Variants in RNF216 observed in about 807,000 individuals in gnomAD.
The protein encoded by RNF216 is E3 ubiquitin-protein ligase RNF216.
A neutral mutation model predicts 110.8 loss-of-function variants in RNF216; 72 were observed. The observed-to-expected ratio is 0.65, with a 90% CI of 0.54 to 0.79. The LOEUF is 0.79. Ranked by LOEUF, RNF216 falls within the 30% of genes least tolerant of loss-of-function variation. The probability of loss-of-function intolerance (pLI) is 0.00; values close to 1 mark genes in which losing one functional copy is unlikely to be tolerated. For synonymous variants in RNF216, 495 were observed against 407.5 expected, an observed-to-expected ratio of 1.21 and a Z score of -2.59; for missense variants, 1,342 against 1,141.2, an observed-to-expected ratio of 1.18 and a Z score of -2.54.
chr7:5,698,552 T>C (rs1188050765), intron 13 of RNF216, among the ~76,000 whole-genome samples: 1 of 152,082 alleles, frequency 6.6e-6, no homozygotes, highest in East Asian at 1.9e-4. Context: ...ACCCATGCCT[T>C]ATTAAATTTT....
intron 13 of RNF216, among the ~76,000 whole-genome samples, chr7:5,673,759 T>A (rs1226161561): frequency 6.6e-6 from 1 of 151,976 alleles, no homozygotes; most frequent in African/African-American, 2.4e-5. Flanking sequence ...CACCTGTAAT[T>A]CCAGCATTTT....
At chr7:5,737,153 G>A (rs1166548378) in intron 5 of RNF216, among the ~76,000 whole-genome samples, 1 of 152,206 alleles carries the variant, frequency 6.6e-6, no homozygotes, top group Non-Finnish European at 1.5e-5. Context: ...GTAGACATAG[G>A]AGACTCCATT....
At chr7:5,727,932 C>T (rs1167946606) in intron 7 of RNF216, among the ~76,000 whole-genome samples, 2 of 151,652 alleles carry the variant, frequency 1.3e-5, no homozygotes, top group African/African-American at 4.9e-5. Context: ...CACCATAAAA[C>T]CCAAGGAGAT....
intron 15 of RNF216, among the ~76,000 whole-genome samples, chr7:5,625,984 A>G (rs74888230): frequency 0.019 from 2,895 of 152,320 alleles, 86 homozygotes; most frequent in African/African-American, 0.065. Flanking sequence ...TTTCAGCAAA[A>G]GGAGCCTCCT....
chr7:5,660,211 C>G (rs1018449755), intron 13 of RNF216, among the ~76,000 whole-genome samples: 7 of 148,328 alleles, frequency 4.7e-5, no homozygotes, highest in Non-Finnish European at 7.4e-5. Flanking sequence ...CCATGGCCTC[C>G]CAAACTGTTG....
intron 13 of RNF216, among the ~76,000 whole-genome samples, chr7:5,699,137 T>C (rs1274472777): frequency 6.6e-6 from 1 of 152,192 alleles, no homozygotes; most frequent in Non-Finnish European, 1.5e-5. Flanking sequence ...TTAATAATGA[T>C]CGACTCATAA....
At chr7:5,743,250 GA>G (rs1794861890) in intron 3 of RNF216, among the ~76,000 whole-genome samples, 3 of 152,004 alleles carry the variant, frequency 2.0e-5, no homozygotes, top group Admixed American at 6.6e-5. Flanking sequence ...GACAGAGCAA[GA>G]CTCTGTCTCA....
intron 13 of RNF216, among the ~76,000 whole-genome samples, chr7:5,708,187 G>A (rs567735911): frequency 3.9e-5 from 6 of 152,280 alleles, no homozygotes; most frequent in East Asian, 3.9e-4. Flanking sequence ...TGTTCCATGC[G>A]CAACAGAGGA....
intron 9 of RNF216, among the ~76,000 whole-genome samples, chr7:5,719,657 T>C (rs1404082708): frequency 1.3e-5 from 2 of 152,244 alleles, no homozygotes; most frequent in African/African-American, 4.8e-5. Context: ...TATCAATGAA[T>C]GTCATTCTAT....
At chr7:5,745,587 T>C (rs191344396) in intron 3 of RNF216, among the ~76,000 whole-genome samples, 238 of 152,110 alleles carry the variant, frequency 1.6e-3, no homozygotes, top group Middle Eastern at 0.014. Context: ...GTAAGGTGAT[T>C]GAGTATAAAA....
chr7:5,763,765 G>A (rs1796053901), intron 1 of RNF216, among the ~76,000 whole-genome samples: 1 of 152,088 alleles, frequency 6.6e-6, no homozygotes, highest in Admixed American at 6.6e-5. Flanking sequence ...TAGAGACAGG[G>A]TCTCACTATG....
At chr7:5,692,728 T>C (rs1257068198) in intron 13 of RNF216, among the ~76,000 whole-genome samples, 3 of 152,218 alleles carry the variant, frequency 2.0e-5, no homozygotes, top group Non-Finnish European at 4.4e-5. Context: ...TAGCTTGGAG[T>C]TTGAAAATAC....
At chr7:5,736,601 C>A (rs1481209097) in intron 5 of RNF216, among the ~76,000 whole-genome samples, 1 of 151,652 alleles carries the variant, frequency 6.6e-6, no homozygotes, top group Admixed American at 6.6e-5. Context: ...ATATGAGGAG[C>A]CCCTCTGCCC....
chr7:5,768,392 C>T (rs980770040), intron 1 of RNF216, among the ~76,000 whole-genome samples: 2 of 148,050 alleles, frequency 1.4e-5, no homozygotes, highest in Non-Finnish European at 3.0e-5. Flanking sequence ...CACACACACA[C>T]AGCTTAAATT....
intron 15 of RNF216, among the ~76,000 whole-genome samples, chr7:5,627,224 C>T (rs138024685): frequency 6.9e-4 from 105 of 152,292 alleles, no homozygotes; most frequent in African/African-American, 2.4e-3. Context: ...ACACACACAC[C>T]GGGCCACTCA....
intron 1 of RNF216, among the ~76,000 whole-genome samples, chr7:5,763,387 T>C (rs971680223): frequency 2.0e-5 from 3 of 152,066 alleles, no homozygotes; most frequent in Admixed American, 1.3e-4. Flanking sequence ...TCCCAGCACT[T>C]TGAGAGGCTG....
chr7:5,726,158 G>A (rs1793739080), intron 7 of RNF216, among the ~76,000 whole-genome samples: 2 of 151,940 alleles, frequency 1.3e-5, no homozygotes, highest in African/African-American at 2.4e-5. Context: ...CACAGCTGTG[G>A]TCCCAGGTAC....
chr7:5,627,862 A>G (rs1466105237), intron 15 of RNF216, among the ~76,000 whole-genome samples: 1 of 152,088 alleles, frequency 6.6e-6, no homozygotes, highest in Non-Finnish European at 1.5e-5. Context: ...CCCCTGTGGC[A>G]CTGCTGAGGC....
At chr7:5,756,557 G>A (rs1795653505) in intron 2 of RNF216, among the ~76,000 whole-genome samples, 1 of 152,164 alleles carries the variant, frequency 6.6e-6, no homozygotes, top group African/African-American at 2.4e-5. Context: ...ACCATGCCCG[G>A]CTAATTTTTG....
Sources: allele counts gnomAD v4.1 joint callset (sites outside exome capture counted in the v4.1 genomes callset), GRCh38; gene constraint gnomAD v4.1.1; transcripts MANE v1.5; gene names NCBI Gene and HGNC (gene_info 2026-07-23, HGNC 2026-07-21).